SORCS1: variants seen among roughly 807,000 people sequenced by gnomAD.
SORCS1 encodes the protein sortilin related VPS10 domain containing receptor 1, also known as VPS10 domain-containing receptor SorCS1.
A neutral mutation model predicts 146.1 loss-of-function variants in SORCS1; 60 were observed. That is an observed-to-expected ratio of 0.41 (90% confidence interval 0.33 to 0.51). The LOEUF is 0.51. Ranked by LOEUF, SORCS1 falls within the 20% of genes least tolerant of loss-of-function variation. The pLI, the probability that SORCS1 is intolerant of heterozygous loss-of-function variation, is 0.21. For synonymous variants in SORCS1, 637 were observed against 584.0 expected, an observed-to-expected ratio of 1.09 and a Z score of -1.31; for missense variants, 1,352 against 1,487.6, an observed-to-expected ratio of 0.91 and a Z score of 1.50.
rs1847672170 is a variant in SORCS1, at chr10:106,620,536, A to G, written c.2688T>C (p.Ser896=). 1 of 1,613,958 alleles carries G rather than the reference A, an allele frequency of 6.2e-7. No homozygotes were observed. Among genetic ancestry groups the G allele is most frequent in the South Asian group, 1.1e-5 (1 of 91,084 alleles). ...TGTTCTTTGTGGTGACAAAGGGAAG[A>G]GACAGGTGCACGTGCTCCAAGGGAC... The part of the protein sequence containing the change: ...VTCPLEHVHL[S]LPFVTTKNKE... Residue 896 remains serine, a synonymous_variant, in exon 20 of 26, where the codon TCT becomes TCC. Transcript: ENST00000263054.
At chr10:107,090,105 G>A (rs552707036) in intron 1 of SORCS1, among the ~76,000 whole-genome samples, 34 of 152,274 alleles carry the variant, frequency 2.2e-4, no homozygotes, top group African/African-American at 8.2e-4. Context: ...CACGCAGAGG[G>A]GTTCAGGTCT....
At chr10:106,636,121 G>T (rs1235291977) in intron 18 of SORCS1, among the ~76,000 whole-genome samples, 2 of 152,290 alleles carry the variant, frequency 1.3e-5, no homozygotes, top group East Asian at 3.9e-4. Context: ...CTAGTTGGGT[G>T]CAGTGGCTCA....
chr10:106,798,687 T>C (rs1364861220), intron 3 of SORCS1, among the ~76,000 whole-genome samples: 4 of 152,220 alleles, frequency 2.6e-5, no homozygotes, highest in Non-Finnish European at 5.9e-5. Context: ...CAGTCTATCA[T>C]TGTTGGACAT....
intron 6 of SORCS1, among the ~76,000 whole-genome samples, chr10:106,728,943 C>T (rs7923947): frequency 0.42 from 63,589 of 151,972 alleles, 13,357 homozygotes; most frequent in South Asian, 0.46. Flanking sequence ...CCTGTCTTTT[C>T]TCCCCTCACC....
chr10:106,840,174 T>C (rs576774440), intron 2 of SORCS1, among the ~76,000 whole-genome samples: 8 of 152,282 alleles, frequency 5.3e-5, no homozygotes, highest in Non-Finnish European at 8.8e-5. Context: ...CTGAAAGATC[T>C]GGGGGCAAAA....
At chr10:107,029,336 T>C (rs555772364) in intron 1 of SORCS1, among the ~76,000 whole-genome samples, 1 of 152,318 alleles carries the variant, frequency 6.6e-6, no homozygotes, top group Admixed American at 6.5e-5. Context: ...AGAATGGGTT[T>C]ACCTGTTTTG....
intron 1 of SORCS1, among the ~76,000 whole-genome samples, chr10:106,999,194 G>A (rs921278830): frequency 2.6e-5 from 4 of 151,820 alleles, no homozygotes; most frequent in African/African-American, 7.3e-5. Flanking sequence ...ATACACACAC[G>A]AACATACACA....
At chr10:107,029,266 A>T (rs907685787) in intron 1 of SORCS1, among the ~76,000 whole-genome samples, 1 of 152,164 alleles carries the variant, frequency 6.6e-6, no homozygotes, top group African/African-American at 2.4e-5. Context: ...ATTCTGTAAC[A>T]CTGGGAGGAT....
At chr10:106,852,627 C>CAA (rs370300215) in intron 2 of SORCS1, among the ~76,000 whole-genome samples, 27,412 of 84,566 alleles carry the variant, frequency 0.32, 4,025 homozygotes, top group Non-Finnish European at 0.45. Context: ...GACCCTGTCT[C>CAA]AAAAAAAAAA....
chr10:106,890,527 GC>G (rs1564779090), intron 2 of SORCS1, among the ~76,000 whole-genome samples: 1 of 152,114 alleles, frequency 6.6e-6, no homozygotes, highest in Non-Finnish European at 1.5e-5. Flanking sequence ...TGTAAAATCA[GC>G]CCTGAGAGGC....
chr10:106,898,839 T>A (rs7895881), intron 2 of SORCS1, among the ~76,000 whole-genome samples: 72,171 of 151,988 alleles, frequency 0.47, 17,893 homozygotes, highest in African/African-American at 0.62. Context: ...CTTTATTATC[T>A]CCTTTTCCCA....
chr10:106,627,515 G>A (rs573771591), intron 19 of SORCS1, among the ~76,000 whole-genome samples: 8 of 152,064 alleles, frequency 5.3e-5, no homozygotes, highest in South Asian at 4.1e-4. Flanking sequence ...TGTTTGTGAC[G>A]TATTGTTAAA....
chr10:107,149,091 A>G (rs558385525), intron 1 of SORCS1, among the ~76,000 whole-genome samples: 16 of 152,230 alleles, frequency 1.1e-4, no homozygotes, highest in Non-Finnish European at 2.2e-4. Flanking sequence ...CCACGAAGGT[A>G]TCTCTTCAAC....
At chr10:107,099,197 T>C (rs978860827) in intron 1 of SORCS1, among the ~76,000 whole-genome samples, 3 of 152,248 alleles carry the variant, frequency 2.0e-5, no homozygotes, top group Non-Finnish European at 4.4e-5. Context: ...TAAAAGTTTT[T>C]CAGGGCAGCT....
chr10:106,599,383 A>AGGAGGAGGAGGAGAAGGAAGG (rs1220960299), intron 23 of SORCS1, among the ~76,000 whole-genome samples: 4 of 149,720 alleles, frequency 2.7e-5, no homozygotes, highest in Non-Finnish European at 5.9e-5. Context: ...AAAAAAGAGG[A>AGGAGGAGGAGGAGAAGGAAGG]GGAGGAGGAG....
intron 1 of SORCS1, among the ~76,000 whole-genome samples, chr10:106,991,985 C>T (rs73376475): frequency 0.17 from 26,517 of 152,090 alleles, 7,069 homozygotes; most frequent in African/African-American, 0.58. Context: ...CTGAAAAAGA[C>T]GAAATATTTT....
intron 18 of SORCS1, among the ~76,000 whole-genome samples, chr10:106,651,186 C>T (rs1849834464): frequency 6.6e-6 from 1 of 152,166 alleles, no homozygotes; most frequent in Admixed American, 6.5e-5. Flanking sequence ...ATCGTTTGAG[C>T]TAGATTTCAA....
intron 5 of SORCS1, among the ~76,000 whole-genome samples, chr10:106,735,313 T>C (rs1206665932): frequency 6.6e-6 from 1 of 152,154 alleles, no homozygotes; most frequent in East Asian, 1.9e-4. Context: ...ATTTAGTCAG[T>C]GAAACATTCC....
intron 3 of SORCS1, among the ~76,000 whole-genome samples, chr10:106,801,679 G>T (rs536013442): frequency 9.2e-5 from 14 of 151,974 alleles, no homozygotes; most frequent in Admixed American, 7.2e-4. Flanking sequence ...ACAGGCGCCC[G>T]CCACCACGCC....
Sources: gnomAD v4.1 joint callset for allele counts (sites outside exome capture counted in the v4.1 genomes callset) on GRCh38, gnomAD v4.1.1 for gene constraint, MANE v1.5 for transcripts, NCBI Gene and HGNC (gene_info 2026-07-23, HGNC 2026-07-21) for gene names.